TAFA2: variants seen among roughly 807,000 people sequenced by gnomAD.
The protein encoded by TAFA2 is chemokine-like protein TAFA-2.
In TAFA2, 7 loss-of-function variants were observed where a neutral mutation model predicts 18.8. The ratio of observed to expected loss-of-function variants is 0.37; its 90% CI spans 0.21 to 0.70. TAFA2 has a LOEUF of 0.70. Among genes scored for constraint, TAFA2 ranks in the 30% least tolerant of loss-of-function variants. The probability of loss-of-function intolerance (pLI) is 0.53; values close to 1 mark genes in which losing one functional copy is unlikely to be tolerated. For synonymous variants in TAFA2, 60 were observed against 54.2 expected, an observed-to-expected ratio of 1.11 and a Z score of -0.47; for missense variants, 122 against 158.1, an observed-to-expected ratio of 0.77 and a Z score of 1.23.
At chr12:61,764,230 T>TA (rs1555163229) in intron 2 of TAFA2, among the ~76,000 whole-genome samples, 419 of 150,138 alleles carry the variant, frequency 2.8e-3, no homozygotes, top group Middle Eastern at 6.8e-3. Flanking sequence ...GATGATTGAT[T>TA]GATAGATAGA....
At chr12:61,796,443 A>G (rs1342235912) in intron 2 of TAFA2, among the ~76,000 whole-genome samples, 6 of 152,140 alleles carry the variant, frequency 3.9e-5, no homozygotes, top group Non-Finnish European at 8.8e-5. Flanking sequence ...GTATTTTTCC[A>G]TTTGCATGAA....
At chr12:61,849,036 G>T (rs1159840752) in intron 2 of TAFA2, among the ~76,000 whole-genome samples, 2 of 151,962 alleles carry the variant, frequency 1.3e-5, no homozygotes, top group Non-Finnish European at 2.9e-5. Context: ...TAGAGACAGG[G>T]TTTCACCATG....
At chr12:61,803,625 T>C (rs1372819737) in intron 2 of TAFA2, among the ~76,000 whole-genome samples, 1 of 151,946 alleles carries the variant, frequency 6.6e-6, no homozygotes, top group Non-Finnish European at 1.5e-5. Context: ...AACATAAACA[T>C]CATTTTCTCT....
intron 1 of TAFA2, among the ~76,000 whole-genome samples, chr12:62,120,321 A>G (rs1280006595): frequency 6.6e-6 from 1 of 152,208 alleles, no homozygotes; most frequent in Non-Finnish European, 1.5e-5. Context: ...ATGGCATTGT[A>G]CATTTCAATG....
chr12:61,712,859 C>A lies in TAFA2; in HGVS notation c.385-2442G>T, dbSNP rs187833874. 4.4e-4 allele frequency among the ~76,000 whole-genome samples: 66 copies of A among 151,672 alleles called. 1 individual carries two copies. The East Asian group carries it at 0.011, about 26-fold the overall frequency. On this transcript the variant is annotated intron_variant, in intron 4 of 4. Transcript: ENST00000416284. Reference sequence around the variant, plus strand: ...TTGACCAAGAGGACACATGGTGATTCGGCATCAAGAGCTCTGTATTTAGGC... The same window carrying A: ...TTGACCAAGAGGACACATGGTGATTAGGCATCAAGAGCTCTGTATTTAGGC...
intron 1 of TAFA2, among the ~76,000 whole-genome samples, chr12:61,982,287 C>T (rs1334455972): frequency 6.6e-6 from 1 of 151,944 alleles, no homozygotes; most frequent in African/African-American, 2.4e-5. Flanking sequence ...CAGGGCCTGT[C>T]GTGGGGTGGG....
intron 2 of TAFA2, among the ~76,000 whole-genome samples, chr12:61,852,482 C>T (rs562798512): frequency 6.6e-6 from 1 of 152,162 alleles, no homozygotes; most frequent in South Asian, 2.1e-4. Flanking sequence ...AACAGAAAGC[C>T]AGAAGGATAA....
intron 1 of TAFA2, among the ~76,000 whole-genome samples, chr12:62,178,247 C>G (rs2062527326): frequency 6.6e-6 from 1 of 152,102 alleles, no homozygotes; most frequent in Non-Finnish European, 1.5e-5. Flanking sequence ...CTGCAGTCAG[C>G]TATGATTGTA....
chr12:61,861,176 T>C (rs1388965770), intron 2 of TAFA2, among the ~76,000 whole-genome samples: 1 of 151,918 alleles, frequency 6.6e-6, no homozygotes, highest in Non-Finnish European at 1.5e-5. Flanking sequence ...GGTCTTGAAA[T>C]CCTGGCCTTA....
rs1873115279 is a variant in TAFA2, at chr12:61,840,183, G to C, written c.106+27137C>G. 2.0e-5 allele frequency among the ~76,000 whole-genome samples: 3 copies of C among 152,146 alleles called. 1 individual carries two copies. The South Asian group carries it at 6.2e-4, about 32-fold the overall frequency. On this transcript the variant is annotated intron_variant, in intron 2 of 4. Transcript: ENST00000416284. ...TCAGGAGTCAAGTTAATAGAGTAGA[G>C]TTGTGTCTTGGTGTATTATGAAGTG... is the stretch of plus-strand genomic sequence containing the variant.
chr12:61,992,570 C>T (rs571287915), intron 1 of TAFA2, among the ~76,000 whole-genome samples: 7 of 152,252 alleles, frequency 4.6e-5, no homozygotes, highest in Non-Finnish European at 8.8e-5. Context: ...AACTGTGTCA[C>T]TGCTCCCCTC....
At chr12:61,996,341 C>T (rs1039626568) in intron 1 of TAFA2, among the ~76,000 whole-genome samples, 1 of 108,632 alleles carries the variant, frequency 9.2e-6, no homozygotes, top group African/African-American at 3.9e-5. Context: ...CTCCCACAAC[C>T]CTTTTTACTC....
chr12:61,723,346 T>C (rs1354016284), intron 4 of TAFA2, among the ~76,000 whole-genome samples: 1 of 152,066 alleles, frequency 6.6e-6, no homozygotes, highest in Non-Finnish European at 1.5e-5. Context: ...ATTTATTAAA[T>C]GAAAGATTGA....
chr12:61,786,537 C>G (rs946269211), intron 2 of TAFA2, among the ~76,000 whole-genome samples: 1 of 151,536 alleles, frequency 6.6e-6, no homozygotes, highest in South Asian at 2.1e-4. Context: ...CATTAGTAAA[C>G]AAAGACATTA....
intron 4 of TAFA2, among the ~76,000 whole-genome samples, chr12:61,740,872 A>G (rs562068575): frequency 1.3e-5 from 2 of 151,134 alleles, no homozygotes; most frequent in Non-Finnish European, 3.0e-5. Flanking sequence ...AAAAAATGCC[A>G]TAATACTGAA....
chr12:61,864,178 C>G (rs1282881775), intron 2 of TAFA2, among the ~76,000 whole-genome samples: 2 of 151,966 alleles, frequency 1.3e-5, no homozygotes, highest in Non-Finnish European at 2.9e-5. Flanking sequence ...TAATGACAGG[C>G]CTTTAAAATT....
intron 1 of TAFA2, among the ~76,000 whole-genome samples, chr12:62,056,709 A>C (rs559244929): frequency 2.0e-5 from 3 of 152,190 alleles, no homozygotes; most frequent in Middle Eastern, 3.4e-3. Context: ...TTCCTCAAAG[A>C]TATCCCAAAA....
At chr12:61,899,875 G>A (rs991256776) in intron 1 of TAFA2, among the ~76,000 whole-genome samples, 1 of 152,170 alleles carries the variant, frequency 6.6e-6, no homozygotes, top group Non-Finnish European at 1.5e-5. Flanking sequence ...ATCTAGAGAT[G>A]ATTTATAGTA....
At chr12:62,133,403 A>T (rs570855262) in intron 1 of TAFA2, among the ~76,000 whole-genome samples, 24 of 152,078 alleles carry the variant, frequency 1.6e-4, no homozygotes, top group Non-Finnish European at 3.4e-4. Context: ...TTATAATGAA[A>T]ATTCTGGAAC....
Sources: allele counts gnomAD v4.1 joint callset (sites outside exome capture counted in the v4.1 genomes callset), GRCh38; gene constraint gnomAD v4.1.1; transcripts MANE v1.5; gene names NCBI Gene and HGNC (gene_info 2026-07-23, HGNC 2026-07-21).